Variants in PHF24 observed in about 807,000 individuals in gnomAD.
The protein encoded by PHF24 is Galpha inhibitory interacting protein.
PHF24 carries 25 observed loss-of-function variants against 42.6 expected under a neutral mutation model. The observed-to-expected ratio is 0.59, with a 90% confidence interval of 0.43 to 0.82. The LOEUF (loss-of-function observed/expected upper bound fraction) is 0.82. Ranked by LOEUF, PHF24 falls within the 40% of genes least tolerant of loss-of-function variation. PHF24 has a pLI of 0.00. For missense variants in PHF24, 470 were observed against 538.1 expected, an observed-to-expected ratio of 0.87 and a Z score of 1.25; for synonymous variants, 185 against 204.8, an observed-to-expected ratio of 0.90 and a Z score of 0.83.
At chr9:34,808,427 A>G in the PHF24 span, among the ~76,000 whole-genome samples, 2 of 152,058 alleles carry the variant, frequency 1.3e-5, no homozygotes, top group African/African-American at 4.8e-5. Flanking sequence ...ACACCACTGT[A>G]CTCCAGCCTG....
chr9:34,715,287 G>A, the PHF24 span, among the ~76,000 whole-genome samples: 3 of 152,142 alleles, frequency 2.0e-5, no homozygotes, highest in African/African-American at 7.2e-5. Flanking sequence ...AAGCAGGGTA[G>A]AAGAGAGTGA....
At chr9:34,833,032 G>T in the PHF24 span, 1 of 1,551,534 alleles carries the variant, frequency 6.4e-7, no homozygotes, top group South Asian at 1.2e-5. Flanking sequence ...GGGGTGTCTT[G>T]TTTGGAAGCA....
chr9:34,841,860 AAAAC>A, the PHF24 span, among the ~76,000 whole-genome samples: 17 of 152,382 alleles, frequency 1.1e-4, no homozygotes, highest in East Asian at 5.8e-4. Flanking sequence ...TCCGTCTCAA[AAAAC>A]AAACAAAGAG....
chr9:34,790,096 C>T, the PHF24 span, among the ~76,000 whole-genome samples: 2 of 152,206 alleles, frequency 1.3e-5, no homozygotes, highest in African/African-American at 4.8e-5. Context: ...GATCCTCCAC[C>T]TTCACCTCCC....
the PHF24 span, among the ~76,000 whole-genome samples, chr9:34,895,263 A>T: frequency 6.6e-6 from 1 of 151,712 alleles, no homozygotes; most frequent in African/African-American, 2.4e-5. Context: ...CTTATTTCTG[A>T]CTCACTTTCA....
upstream of PHF24, among the ~76,000 whole-genome samples, chr9:34,954,677 A>G (rs893854123): frequency 3.3e-5 from 5 of 152,100 alleles, no homozygotes; most frequent in Non-Finnish European, 7.3e-5. Context: ...TACTTTTACA[A>G]TCTGTTTACA....
exon 7 of PHF24, chr9:34,977,547 A>G (rs1352130778): frequency 6.2e-7 from 1 of 1,606,878 alleles, no homozygotes; most frequent in Non-Finnish European, 8.5e-7. Flanking sequence ...GCCCAGCAGC[A>G]TCAGCCATGT....
chr9:34,926,530 G>C, the PHF24 span, among the ~76,000 whole-genome samples: 1 of 152,126 alleles, frequency 6.6e-6, no homozygotes, highest in African/African-American at 2.4e-5. This position sits in a 1 kb window ranked among gnomAD's most constrained non-coding sequence, Gnocchi z 4.3. Context: ...TTTCTGCAGT[G>C]GGTGGCCCAC....
intron 1 of PHF24, among the ~76,000 whole-genome samples, chr9:34,962,394 A>C (rs1587460669): frequency 4.4e-5 from 6 of 137,520 alleles, no homozygotes; most frequent in East Asian, 2.1e-4. Context: ...TGTAACTCCT[A>C]CTCATATTCA....
chr9:34,700,170 G>T, the PHF24 span, among the ~76,000 whole-genome samples: 1 of 152,166 alleles, frequency 6.6e-6, no homozygotes, highest in Admixed American at 6.6e-5. Flanking sequence ...AATAACAGGG[G>T]CCAGATAACA....
chr9:34,713,471 G>A, the PHF24 span, among the ~76,000 whole-genome samples: 2 of 151,870 alleles, frequency 1.3e-5, no homozygotes, highest in East Asian at 3.9e-4. Flanking sequence ...TCTTCTGAAA[G>A]ACCAGCAACC....
At chr9:34,907,562 T>G in the PHF24 span, among the ~76,000 whole-genome samples, 2 of 152,202 alleles carry the variant, frequency 1.3e-5, no homozygotes, top group Non-Finnish European at 2.9e-5. Context: ...ATATAGTTAG[T>G]ATTTTACATA....
At chr9:34,971,658 C>T in exon 2 of PHF24, 2 of 1,611,000 alleles carry the variant, frequency 1.2e-6, no homozygotes, top group Non-Finnish European at 1.7e-6. Context: ...CAGAAATCTG[C>T]CTGGAGCCCA....
the PHF24 span, among the ~76,000 whole-genome samples, chr9:34,685,554 G>A: frequency 6.6e-6 from 1 of 152,256 alleles, no homozygotes; most frequent in Admixed American, 6.5e-5. Flanking sequence ...ACCCCAACTA[G>A]ACTTCCCAGC....
chr9:34,854,406 G>A, the PHF24 span, among the ~76,000 whole-genome samples: 1 of 151,816 alleles, frequency 6.6e-6, no homozygotes, highest in Admixed American at 6.6e-5. Context: ...TTTGATGTGG[G>A]CATTTAGTAC....
the PHF24 span, chr9:34,726,001 C>T: frequency 6.5e-7 from 1 of 1,546,308 alleles, no homozygotes; most frequent in Admixed American, 2.0e-5. Flanking sequence ...GTCCCCCAGA[C>T]TGTGGATGGG....
the PHF24 span, chr9:34,690,266 G>A: frequency 1.9e-6 from 3 of 1,614,066 alleles, no homozygotes; most frequent in Non-Finnish European, 8.5e-7. Context: ...AGTTCCTCAC[G>A]ATGTACCCAG....
chr9:34,830,009 G>T, the PHF24 span, among the ~76,000 whole-genome samples: 1 of 152,226 alleles, frequency 6.6e-6, no homozygotes, highest in Admixed American at 6.5e-5. Context: ...GACTGGGTCA[G>T]AAATGTGGCT....
chr9:34,673,329 G>A, the PHF24 span, among the ~76,000 whole-genome samples: 7 of 142,084 alleles, frequency 4.9e-5, no homozygotes, highest in African/African-American at 1.0e-4. Context: ...ACTCCGGTCC[G>A]GGCTACAGAG....
Sources: gnomAD v4.1 joint callset for allele counts (sites outside exome capture counted in the v4.1 genomes callset) on GRCh38, gnomAD v4.1.1 for gene constraint, Gnocchi (gnomAD v3.1) non-coding constraint, MANE v1.5 for transcripts, NCBI Gene and HGNC (gene_info 2026-07-23, HGNC 2026-07-21) for gene names.